Variants in FHIT observed in about 807,000 individuals in gnomAD.
FHIT encodes bis(5'-adenosyl)-triphosphatase.
FHIT carries 19 observed loss-of-function variants against 17.9 expected under a neutral mutation model. The ratio of observed to expected loss-of-function variants is 1.06; its 90% confidence interval spans 0.74 to 1.56. The LOEUF (loss-of-function observed/expected upper bound fraction) is 1.56, where lower values mean the gene tolerates loss of function less well. Ranked by LOEUF, FHIT falls within the 40% of genes most tolerant of loss-of-function variation. FHIT has a pLI of 0.00. For synonymous variants in FHIT, 81 were observed against 69.7 expected, an observed-to-expected ratio of 1.16 and a Z score of -0.81; for missense variants, 248 against 189.2, an observed-to-expected ratio of 1.31 and a Z score of -1.82.
At chr3:60,001,303 T>C (rs1438843461) in intron 7 of FHIT, among the ~76,000 whole-genome samples, 2 of 152,172 alleles carry the variant, frequency 1.3e-5, no homozygotes, top group Non-Finnish European at 2.9e-5. Flanking sequence ...ATATTAACTA[T>C]AGAATTTCTA....
At chr3:60,913,029 G>C (rs782702816) in intron 3 of FHIT, among the ~76,000 whole-genome samples, 3 of 152,174 alleles carry the variant, frequency 2.0e-5, no homozygotes, top group Non-Finnish European at 4.4e-5. Flanking sequence ...GCTTAGTGCA[G>C]AGCCTGTTTC....
chr3:60,669,928 A>G (rs576307134), intron 4 of FHIT, among the ~76,000 whole-genome samples: 19 of 152,224 alleles, frequency 1.2e-4, no homozygotes, highest in Non-Finnish European at 2.5e-4. Flanking sequence ...GTAATCATGC[A>G]TTGTTATCAA....
At chr3:60,033,559 A>G (rs934821581) in intron 5 of FHIT, among the ~76,000 whole-genome samples, 2 of 152,158 alleles carry the variant, frequency 1.3e-5, no homozygotes, top group African/African-American at 2.4e-5. Flanking sequence ...AATATTGCCA[A>G]TTAGGGAATT....
At chr3:60,047,279 A>G (rs1701692313) in intron 5 of FHIT, among the ~76,000 whole-genome samples, 2 of 152,298 alleles carry the variant, frequency 1.3e-5, no homozygotes, top group Admixed American at 6.5e-5. Context: ...GTTCTTTCTG[A>G]GGTTAGTGGT....
At chr3:59,923,830 A>T (rs1295204583) in intron 7 of FHIT, among the ~76,000 whole-genome samples, 4 of 152,176 alleles carry the variant, frequency 2.6e-5, no homozygotes, top group Admixed American at 2.0e-4. Context: ...GGAAAGTGAC[A>T]CGCTATTAAA....
At chr3:59,848,749 C>G (rs775728415) in intron 8 of FHIT, among the ~76,000 whole-genome samples, 2 of 152,136 alleles carry the variant, frequency 1.3e-5, no homozygotes, top group Non-Finnish European at 2.9e-5. Flanking sequence ...AGGAACCTTT[C>G]CAAATATGGT....
Position 60,672,406 on chromosome 3 carries a change from C to T in FHIT, c.-17-135427G>A, listed in dbSNP as rs190919909. ...TTCTCTGGCTGGCAGGAGTGGGGGT[C>T]GCAAGGTGCTCAGTGGGGGTGCTTT... On this transcript the variant is annotated intron_variant, in intron 4 of 9. Coordinates refer to ENST00000492590, the MANE Select transcript of FHIT (RefSeq NM_002012.4). Among the ~76,000 whole-genome samples, 11 of 151,690 alleles carry T rather than the reference C, an allele frequency of 7.3e-5. No individual in the cohort carries two copies. In the South Asian group the frequency reaches 1.3e-3, roughly 17 times the overall value.
At chr3:60,911,828 G>A (rs1268004328) in intron 3 of FHIT, among the ~76,000 whole-genome samples, 5 of 151,992 alleles carry the variant, frequency 3.3e-5, no homozygotes, top group Admixed American at 2.6e-4. Flanking sequence ...GCAAAGGGAG[G>A]GGGTAAAATT....
chr3:60,343,108 T>C (rs1234286648), intron 5 of FHIT, among the ~76,000 whole-genome samples: 2 of 152,188 alleles, frequency 1.3e-5, no homozygotes, highest in Non-Finnish European at 2.9e-5. Context: ...ATACCTTCTA[T>C]ACATTCTTTC....
intron 5 of FHIT, among the ~76,000 whole-genome samples, chr3:60,481,973 G>A (rs2033628617): frequency 6.6e-6 from 1 of 152,168 alleles, no homozygotes; most frequent in Non-Finnish European, 1.5e-5. Flanking sequence ...ATAAAGGAAT[G>A]GAGGAAAATT....
intron 2 of FHIT, among the ~76,000 whole-genome samples, chr3:61,069,972 T>A (rs2034746816): frequency 1.3e-5 from 2 of 152,156 alleles, no homozygotes; most frequent in South Asian, 4.1e-4. Flanking sequence ...AATGCAGTGG[T>A]GCGATCTCGG....
intron 3 of FHIT, among the ~76,000 whole-genome samples, chr3:60,942,936 G>A (rs1553774905): frequency 6.6e-6 from 1 of 152,060 alleles, no homozygotes; most frequent in African/African-American, 2.4e-5. Context: ...TTATTGACAG[G>A]TACAGTTTTG....
intron 3 of FHIT, among the ~76,000 whole-genome samples, chr3:61,036,910 TTTTG>T (rs1210156763): frequency 7.6e-6 from 1 of 130,940 alleles, no homozygotes; most frequent in South Asian, 2.7e-4. Context: ...TGTTTTTTTT[TTTTG>T]TTTGTTTGTT....
At chr3:59,759,833 T>C (rs951467903) in intron 8 of FHIT, among the ~76,000 whole-genome samples, 1 of 152,180 alleles carries the variant, frequency 6.6e-6, no homozygotes, top group East Asian at 1.9e-4. Flanking sequence ...GTGCTTTCAC[T>C]TGAGGCAGAA....
rs1700772276 is a variant in FHIT, at chr3:59,749,580, C to G, written c.*6-1G>C. 4.3e-6 allele frequency: 1 copy of G among 231,224 alleles called. No individual in the cohort carries two copies. Among genetic ancestry groups the G allele is most frequent in the African/African-American group, 2.2e-5 (1 of 45,178 alleles). 14.3% of individuals were successfully genotyped at this position (231,224 alleles called of 1,614,324 possible). A position where few individuals can be genotyped will look rare whatever the true frequency, so the allele number is the denominator to read the frequency against. On this transcript the variant is annotated splice_acceptor_variant, in intron 9 of 9. Transcript: ENST00000492590. LOFTEE classifies it low-confidence loss of function (3UTR_SPLICE). ...CTGGAATTCAGGATCTGAAAAACATCTTAAGCCATTTTTAAACAAACAAAG... is the reference window on the plus strand; with the variant it reads ...CTGGAATTCAGGATCTGAAAAACATGTTAAGCCATTTTTAAACAAACAAAG...
chr3:60,681,841 A>T (rs781538614), intron 4 of FHIT, among the ~76,000 whole-genome samples: 5 of 152,220 alleles, frequency 3.3e-5, no homozygotes, highest in South Asian at 2.1e-4. Context: ...AGGCTGATTC[A>T]TGAGGTTCAA....
intron 3 of FHIT, among the ~76,000 whole-genome samples, chr3:60,973,893 A>ATAT (rs899936026): frequency 6.6e-6 from 1 of 152,200 alleles, no homozygotes; most frequent in Non-Finnish European, 1.5e-5. Flanking sequence ...TTTAAAGATG[A>ATAT]TATTATTATT....
At chr3:61,054,606 A>G (rs933524602) in intron 2 of FHIT, among the ~76,000 whole-genome samples, 2 of 152,188 alleles carry the variant, frequency 1.3e-5, no homozygotes, top group Non-Finnish European at 2.9e-5. Context: ...TATTTCATCA[A>G]TATAACTATT....
At chr3:60,744,055 C>T (rs2042292680) in intron 4 of FHIT, among the ~76,000 whole-genome samples, 1 of 151,962 alleles carries the variant, frequency 6.6e-6, no homozygotes, top group African/African-American at 2.4e-5. Flanking sequence ...GGAAGGGGGG[C>T]TATTTGTTTT....
Sources: allele counts gnomAD v4.1 joint callset (sites outside exome capture counted in the v4.1 genomes callset), GRCh38; gene constraint gnomAD v4.1.1; transcripts MANE v1.5; gene names NCBI Gene and HGNC (gene_info 2026-07-23, HGNC 2026-07-21).